The following KCNG3 variants were observed in gnomAD, a reference collection of about 807,000 sequenced individuals.
KCNG3 encodes the protein potassium voltage-gated channel modifier subfamily G member 3.
KCNG3 carries 15 observed loss-of-function variants against 29.0 expected under a neutral mutation model. The observed-to-expected ratio is 0.52, with a 90% CI of 0.35 to 0.80. The LOEUF (loss-of-function observed/expected upper bound fraction) is 0.80, where lower values mean the gene tolerates loss of function less well. Ranked by LOEUF, KCNG3 falls within the 30% of genes least tolerant of loss-of-function variation. The pLI, the probability that KCNG3 is intolerant of heterozygous loss-of-function variation, is 0.01. For missense variants in KCNG3, 512 were observed against 605.7 expected (o/e 0.85, Z 1.62); for synonymous variants, 322 against 248.9 (o/e 1.29, Z -2.76).
the KCNG3 span, among the ~76,000 whole-genome samples, chr2:42,435,113 G>A: frequency 1.3e-5 from 2 of 152,256 alleles, no homozygotes; most frequent in South Asian, 2.1e-4. Flanking sequence ...GACCAGCCTA[G>A]TCAACATGGG....
At chr2:42,471,419 T>C (rs773583093) in intron 1 of KCNG3, among the ~76,000 whole-genome samples, 38 of 152,096 alleles carry the variant, frequency 2.5e-4, no homozygotes, top group Non-Finnish European at 5.1e-4. Context: ...GTTGTATAAC[T>C]GTATTCATAT....
chr2:42,456,753 T>C (rs973303876), intron 1 of KCNG3, among the ~76,000 whole-genome samples: 4 of 152,164 alleles, frequency 2.6e-5, no homozygotes, highest in African/African-American at 9.7e-5. Flanking sequence ...ACTCCAAGCC[T>C]TCAGATTTAA....
At chr2:42,445,091 A>AC (rs1672567491) in intron 1 of KCNG3, among the ~76,000 whole-genome samples, 1 of 151,778 alleles carries the variant, frequency 6.6e-6, no homozygotes, top group Admixed American at 6.6e-5. Context: ...AAAAAAAAAA[A>AC]AATTGAACTT....
At chr2:42,440,535 C>A (rs17626375), downstream of KCNG3, 16,982 of 148,204 alleles carry the variant, frequency 0.11, 1,071 homozygotes, top group South Asian at 0.27. Flanking sequence ...ACCAAGCCAA[C>A]AGGGAAAATT....
At chr2:42,414,089 C>T in the KCNG3 span, among the ~76,000 whole-genome samples, 4 of 152,178 alleles carry the variant, frequency 2.6e-5, no homozygotes, top group Admixed American at 2.6e-4. Flanking sequence ...AATACACACA[C>T]AAAAACTGTT....
chr2:42,390,044 A>G, the KCNG3 span, among the ~76,000 whole-genome samples: 1 of 152,326 alleles, frequency 6.6e-6, no homozygotes, highest in Non-Finnish European at 1.5e-5. Flanking sequence ...AACTTTGTAA[A>G]GAGCCAAGGG....
At chr2:42,408,627 G>C in the KCNG3 span, among the ~76,000 whole-genome samples, 1 of 152,172 alleles carries the variant, frequency 6.6e-6, no homozygotes, top group Admixed American at 6.5e-5. Context: ...CCCTGTGGTA[G>C]ACTGAGCTGT....
intron 1 of KCNG3, among the ~76,000 whole-genome samples, chr2:42,480,158 C>T (rs1277292464): frequency 6.6e-6 from 1 of 152,194 alleles, no homozygotes; most frequent in East Asian, 1.9e-4. Context: ...TTGTTTAGTA[C>T]TTTGGGGAAA....
At chr2:42,439,953 T>G (rs867272194), downstream of KCNG3, among the ~76,000 whole-genome samples, 20 of 152,158 alleles carry the variant, frequency 1.3e-4, no homozygotes, top group African/African-American at 4.3e-4. Context: ...AAGAAAATAT[T>G]TTTAAAAGAA....
intron 1 of KCNG3, among the ~76,000 whole-genome samples, chr2:42,480,113 T>C (rs1223712463): frequency 6.6e-6 from 1 of 152,204 alleles, no homozygotes; most frequent in Non-Finnish European, 1.5e-5. Context: ...GCCCCTGTTC[T>C]ACCAGAACTA....
chr2:42,481,676 C>T (rs1225809962), intron 1 of KCNG3, among the ~76,000 whole-genome samples: 1 of 152,182 alleles, frequency 6.6e-6, no homozygotes, highest in East Asian at 1.9e-4. Flanking sequence ...CCTTCCCCCG[C>T]ATTCCCCACC....
At chr2:42,476,632 G>A (rs976446221) in intron 1 of KCNG3, among the ~76,000 whole-genome samples, 44 of 151,528 alleles carry the variant, frequency 2.9e-4, no homozygotes, top group Non-Finnish European at 3.7e-4. Flanking sequence ...GGTTATAGGC[G>A]CACACCACCA....
At chr2:42,465,186 AT>A (rs1180651485) in intron 1 of KCNG3, among the ~76,000 whole-genome samples, 3 of 151,714 alleles carry the variant, frequency 2.0e-5, no homozygotes, top group Admixed American at 6.6e-5. Context: ...TTAAGATTTT[AT>A]TTTTTTAAGA....
intron 1 of KCNG3, among the ~76,000 whole-genome samples, chr2:42,457,692 C>T (rs879328546): frequency 6.6e-6 from 1 of 150,394 alleles, no homozygotes; most frequent in Non-Finnish European, 1.5e-5. Context: ...GTGGCTCACA[C>T]CTCTGATCCC....
chr2:42,440,701 A>AG (rs1558370746), downstream of KCNG3, among the ~76,000 whole-genome samples: 6 of 152,230 alleles, frequency 3.9e-5, no homozygotes, highest in African/African-American at 1.4e-4. Context: ...GGGTACTTAT[A>AG]GGTAATGACC....
intron 1 of KCNG3, among the ~76,000 whole-genome samples, chr2:42,483,528 C>CA (rs1002719501): frequency 1.3e-5 from 2 of 152,304 alleles, no homozygotes; most frequent in Admixed American, 6.5e-5. Flanking sequence ...GCCACTGACC[C>CA]ACTGTGTGAG....
chr2:42,417,135 T>C, the KCNG3 span, among the ~76,000 whole-genome samples: 1 of 151,910 alleles, frequency 6.6e-6, no homozygotes, highest in Non-Finnish European at 1.5e-5. Context: ...CCCAGCTGCC[T>C]GGGAGGCTGA....
chr2:42,400,195 G>C, the KCNG3 span, among the ~76,000 whole-genome samples: 3 of 152,226 alleles, frequency 2.0e-5, no homozygotes, highest in South Asian at 6.2e-4. Context: ...GGAGCAAAGG[G>C]AACCCAGTAG....
chr2:42,471,483 G>T (rs2103708672), intron 1 of KCNG3, among the ~76,000 whole-genome samples: 1 of 152,192 alleles, frequency 6.6e-6, no homozygotes, highest in African/African-American at 2.4e-5. Context: ...GGTTGTCAGG[G>T]TATGCGAGGA....
Sources: gnomAD v4.1 joint callset for allele counts (sites outside exome capture counted in the v4.1 genomes callset) on GRCh38, gnomAD v4.1.1 for gene constraint, MANE v1.5 for transcripts, NCBI Gene and HGNC (gene_info 2026-07-23, HGNC 2026-07-21) for gene names.